MARCHF1: variants seen among roughly 807,000 people sequenced by gnomAD.
The protein encoded by MARCHF1 is E3 ubiquitin-protein ligase MARCHF1.
In MARCHF1, 40 loss-of-function variants were observed where a neutral mutation model predicts 54.2. That is an observed-to-expected ratio of 0.74 (90% CI 0.57 to 0.96). MARCHF1 has a LOEUF of 0.96. Ranked by LOEUF, MARCHF1 falls within the 40% of genes least tolerant of loss-of-function variation. The probability of loss-of-function intolerance (pLI) is 0.00; values close to 1 mark genes in which losing one functional copy is unlikely to be tolerated. For missense variants in MARCHF1, 586 were observed against 656.5 expected, an observed-to-expected ratio of 0.89 and a Z score of 1.17; for synonymous variants, 236 against 236.3, an observed-to-expected ratio of 1.00 and a Z score of 0.01.
intron 5 of MARCHF1, among the ~76,000 whole-genome samples, chr4:163,645,227 T>A (rs900361648): frequency 6.6e-6 from 1 of 152,162 alleles, no homozygotes; most frequent in Non-Finnish European, 1.5e-5. Context: ...ATAGGACCCA[T>A]CCATGTCCAC....
At chr4:163,635,430 G>C (rs1350290923) in intron 5 of MARCHF1, among the ~76,000 whole-genome samples, 82 of 150,214 alleles carry the variant, frequency 5.5e-4, no homozygotes, top group Admixed American at 2.7e-4. Context: ...CGATCCCACA[G>C]AAATACAAAC....
rs550179827 is a variant in MARCHF1, at chr4:163,541,513, A to G, written c.1339+4083T>C. Among the ~76,000 whole-genome samples the G allele has an allele frequency of 1.4e-4, 21 of 152,278 alleles. 1 individual carries two copies. Among genetic ancestry groups the G allele is most frequent in the Admixed American group, 1.2e-3 (18 of 15,306 alleles). On this transcript the variant is annotated intron_variant, in intron 9 of 9. Coordinates refer to ENST00000514618, the MANE Select transcript of MARCHF1 (RefSeq NM_001394959.1). The stretch of plus-strand genomic sequence containing the variant: ...TTAGGGTGTTAAAGCTCCAAGTACC[A>G]TATATTTGCTATTTTTTTTCCTGTC...
intron 5 of MARCHF1, among the ~76,000 whole-genome samples, chr4:163,648,960 AC>A: frequency 6.6e-6 from 1 of 152,088 alleles, no homozygotes; most frequent in East Asian, 1.9e-4. Context: ...GTTCACTGCA[AC>A]CTATTTTCCC....
At chr4:163,736,923 T>C (rs763998754) in intron 4 of MARCHF1, among the ~76,000 whole-genome samples, 1 of 152,100 alleles carries the variant, frequency 6.6e-6, no homozygotes, top group African/African-American at 2.4e-5. Context: ...TCTCCCTTAA[T>C]ACTCCAAAGT....
At chr4:163,991,667 C>A (rs1251851252) in intron 2 of MARCHF1, among the ~76,000 whole-genome samples, 1 of 152,186 alleles carries the variant, frequency 6.6e-6, no homozygotes, top group African/African-American at 2.4e-5. Flanking sequence ...AGCTCAGCTG[C>A]ATCTACATAT....
intron 2 of MARCHF1, among the ~76,000 whole-genome samples, chr4:164,072,439 C>T (rs72689966): frequency 0.016 from 2,402 of 151,948 alleles, 26 homozygotes; most frequent in Non-Finnish European, 0.024. Flanking sequence ...TGTGTGTCTG[C>T]GGTCCCAGCT....
At chr4:163,889,925 T>A (rs75780946) in intron 3 of MARCHF1, among the ~76,000 whole-genome samples, 2 of 87,320 alleles carry the variant, frequency 2.3e-5, no homozygotes, top group African/African-American at 5.7e-5. Flanking sequence ...TTTTCTTTTT[T>A]CTTTTTTTTT....
At position 163,561,109 on chromosome 4, in the gene MARCHF1, A is replaced by G. The variant is rs1422493954; in HGVS notation, c.1192-15366T>C. Among the ~76,000 whole-genome samples the G allele has an allele frequency of 3.9e-5, 6 of 152,288 alleles. No homozygotes were observed. The South Asian group carries it at 8.3e-4, about 21-fold the overall frequency. On this transcript the variant is annotated intron_variant, in intron 8 of 9. Transcript: ENST00000514618. ...AACAAAATTATACTAACATGCTTCA[A>G]TGATAACTGCTTTAAAATGTAACAA...
At chr4:163,723,985 C>T (rs1011230987) in intron 4 of MARCHF1, among the ~76,000 whole-genome samples, 13 of 152,166 alleles carry the variant, frequency 8.5e-5, no homozygotes, top group East Asian at 3.9e-4. Context: ...TCCTTTAGCT[C>T]GGAGAAGTTT....
intron 2 of MARCHF1, among the ~76,000 whole-genome samples, chr4:164,061,681 T>C (rs1754618943): frequency 6.6e-6 from 1 of 150,810 alleles, no homozygotes; most frequent in African/African-American, 2.4e-5. Context: ...TAAAGTATAA[T>C]AATAATAAAA....
intron 2 of MARCHF1, among the ~76,000 whole-genome samples, chr4:164,077,973 T>C (rs1579515119): frequency 6.6e-6 from 1 of 152,306 alleles, no homozygotes; most frequent in South Asian, 2.1e-4. Context: ...GGCAGTGTGG[T>C]GATTCCTCAA....
intron 4 of MARCHF1, among the ~76,000 whole-genome samples, chr4:163,740,312 T>C (rs1474843258): frequency 6.6e-6 from 1 of 152,242 alleles, no homozygotes; most frequent in Non-Finnish European, 1.5e-5. Flanking sequence ...ATCCTTTCTG[T>C]TGTCAAGAAC....
chr4:163,608,290 G>A (rs1038374692), intron 7 of MARCHF1, among the ~76,000 whole-genome samples: 1 of 152,066 alleles, frequency 6.6e-6, no homozygotes, highest in Non-Finnish European at 1.5e-5. Context: ...GTCGTCTGGA[G>A]AAGATCCAAG....
intron 1 of MARCHF1, among the ~76,000 whole-genome samples, chr4:164,344,952 C>T (rs562538569): frequency 1.6e-4 from 24 of 152,270 alleles, no homozygotes; most frequent in Non-Finnish European, 2.8e-4. Flanking sequence ...GAAGTTTTCT[C>T]TTTGGCAAAT....
At chr4:163,661,348 TAC>T (rs1383750161) in intron 5 of MARCHF1, among the ~76,000 whole-genome samples, 1 of 152,008 alleles carries the variant, frequency 6.6e-6, no homozygotes, top group African/African-American at 2.4e-5. Flanking sequence ...TTTTTCATAG[TAC>T]TTTCCTCTGG....
chr4:163,607,299 T>C (rs749560220), intron 7 of MARCHF1, among the ~76,000 whole-genome samples: 4 of 152,010 alleles, frequency 2.6e-5, no homozygotes, highest in South Asian at 2.1e-4. Flanking sequence ...AGAGAAGGAC[T>C]AGAATGGAAC....
chr4:163,762,400 A>G (rs1746852925), intron 4 of MARCHF1, among the ~76,000 whole-genome samples: 2 of 152,080 alleles, frequency 1.3e-5, no homozygotes, highest in South Asian at 4.1e-4. Context: ...AAATGCAACA[A>G]TTACCTGGAA....
chr4:164,178,473 A>T (rs1730748101), intron 1 of MARCHF1, among the ~76,000 whole-genome samples: 1 of 152,234 alleles, frequency 6.6e-6, no homozygotes, highest in African/African-American at 2.4e-5. Flanking sequence ...GTTGCAGGAA[A>T]GAGTGCAAGA....
chr4:163,713,350 C>A (rs1241469244), intron 4 of MARCHF1, among the ~76,000 whole-genome samples: 3 of 152,078 alleles, frequency 2.0e-5, no homozygotes, highest in Non-Finnish European at 4.4e-5. Context: ...AAAAATTTGC[C>A]ATAATGCCTG....
Sources: gnomAD v4.1 joint callset for allele counts (sites outside exome capture counted in the v4.1 genomes callset) on GRCh38, gnomAD v4.1.1 for gene constraint, MANE v1.5 for transcripts, NCBI Gene and HGNC (gene_info 2026-07-23, HGNC 2026-07-21) for gene names.